SALL1: variants seen among roughly 807,000 people sequenced by gnomAD.
The protein encoded by SALL1 is spalt like transcription factor 1.
Under a neutral mutation model 73.1 loss-of-function variants are expected in SALL1, and 10 were observed. The observed-to-expected ratio is 0.14, with a 90% confidence interval of 0.08 to 0.23. The LOEUF (loss-of-function observed/expected upper bound fraction) is 0.23, where lower values mean the gene tolerates loss of function less well. Ranked by LOEUF, SALL1 falls within the 10% of genes least tolerant of loss-of-function variation. The pLI is 1.00. For missense variants in SALL1, 1,520 were observed against 1,697.3 expected, an observed-to-expected ratio of 0.90 and a Z score of 1.84; for synonymous variants, 688 against 689.8, an observed-to-expected ratio of 1.00 and a Z score of 0.04.
chr16:51,140,626 G>A lies in SALL1; in HGVS notation c.1596C>T (p.Ile532=), dbSNP rs1371790026. The change falls in exon 2 of 3, where the codon ATC becomes ATT. Residue 532 remains isoleucine, a synonymous_variant. Coordinates refer to ENST00000251020, the MANE Select transcript of SALL1 (RefSeq NM_002968.3). The surrounding 1 kb of genome is among the most constrained non-coding windows in gnomAD (Gnocchi z 5.7). Reference sequence around the variant, plus strand: ...AGCTGGTGACTGGCTTCTCTGGAGGGATGGACATGCCATATGGGATGCCAG... The same window carrying A: ...AGCTGGTGACTGGCTTCTCTGGAGGAATGGACATGCCATATGGGATGCCAG... ...TSTGIPYGMS[I]PPEKPVTSWL... is the part of the protein sequence containing the mutation. 7 of 1,614,064 alleles carry A rather than the reference G, an allele frequency of 4.3e-6. No homozygotes were observed. Among genetic ancestry groups the A allele is most frequent in the Admixed American group, 3.3e-5 (2 of 60,008 alleles).
intron 1 of SALL1, 176 bp downstream of exon 1, chr16:51,150,990 C>A (rs1386970083): frequency 2.3e-6 from 1 of 435,812 alleles, no homozygotes; most frequent in Non-Finnish European, 4.0e-6. Context: ...GAAAGCCCAG[C>A]AAAGGCACAT....
rs1417866910 is a variant in SALL1, at chr16:51,138,921, T to C, written c.3301A>G (p.Lys1101Glu). The change falls in exon 2 of 3, where the codon AAG becomes GAG. Residue 1101 changes from lysine (K) to glutamate (E), a missense_variant. Lys to Glu is a moderately conservative substitution (Grantham distance 56). Around this residue, in one of 7 missense-constraint regions of SALL1, gnomAD observed 318 missense variants for 357.1 expected, o/e 0.89. Coordinates refer to ENST00000251020, the MANE Select transcript of SALL1 (RefSeq NM_002968.3). ...GGGACGTGACTGGTGGGGGTGTCCTTACTGTCCTGAGGAGAAACATGCACG... is the reference window on the plus strand; with the variant it reads ...GGGACGTGACTGGTGGGGGTGTCCTCACTGTCCTGAGGAGAAACATGCACG... ...GFVHVSPQDS[K>E]DTPTSHVPSG... 5.6e-6 allele frequency: 9 copies of C among 1,614,160 alleles called. No homozygotes were observed. The highest frequency in any genetic ancestry group is 7.6e-6 in the Non-Finnish European group (9 of 1,180,030).
At chr16:51,151,883 G>T (rs1225674558), upstream of SALL1, among the ~76,000 whole-genome samples, 3 of 151,590 alleles carry the variant, frequency 2.0e-5, no homozygotes, top group Non-Finnish European at 3.0e-5. Context: ...TTCCCAACTC[G>T]GGGGCGAGGC....
At position 51,139,429 on chromosome 16, in the gene SALL1, C is replaced by G. The variant is rs147312225; in HGVS notation, c.2793G>C (p.Pro931=). 29 of 1,613,932 alleles carry G rather than the reference C, an allele frequency of 1.8e-5. No homozygotes were observed. The highest frequency in any genetic ancestry group is 2.5e-5 in the Non-Finnish European group (29 of 1,180,040). The part of the protein sequence containing the change: ...ESTSSMQALS[P]SNSTQEFHKS... ...TGTGGAACTCCTGCGTGCTGTTGGA[C>G]GGGGACAGAGCCTGCATGGAAGAGG... The change falls in exon 2 of 3, where the codon CCG becomes CCC. Residue 931 remains proline (P), a synonymous_variant. Transcript: ENST00000251020.
Position 51,140,382 on chromosome 16 carries a change from C to T in SALL1, c.1840G>A (p.Gly614Arg). The stretch of plus-strand genomic sequence containing the variant: ...CCACCAGAGGGTGGCAGAGTGGACC[C>T]TTCGGCTTCCTCTGGGAGCCCACCT... ...NLGGLPEEAEGSTLPPSGGKS... is the reference protein window; with the variant it reads ...NLGGLPEEAERSTLPPSGGKS... The change falls in exon 2 of 3, where the codon GGG (glycine) becomes AGG (arginine). Residue 614 changes from glycine (G) to arginine (R), a missense_variant. Physicochemically the swap from Gly to Arg is moderately radical, Grantham distance 125. Coordinates refer to ENST00000251020, the MANE Select transcript of SALL1 (RefSeq NM_002968.3). This position sits in a 1 kb window ranked among gnomAD's most constrained non-coding sequence, Gnocchi z 5.7. 1 of 1,614,148 alleles carries T rather than the reference C, an allele frequency of 6.2e-7. No individual in the cohort carries two copies. The highest frequency in any genetic ancestry group is 8.5e-7 in the Non-Finnish European group (1 of 1,180,014).
rs2143448259 is a variant in SALL1, at chr16:51,141,218, C to T, written c.1004G>A (p.Ser335Asn). ...SSGNTIIPSN[S>N]GSSPNMNILA... ...TATGTTCATATTGGGAGAAGAGCCGCTGTTGGATGGAATGATGGTGTTGCC... is the reference window on the plus strand; with the variant it reads ...TATGTTCATATTGGGAGAAGAGCCGTTGTTGGATGGAATGATGGTGTTGCC... The change falls in exon 2 of 3, where the codon AGC becomes AAC. Residue 335 changes from serine to asparagine, a missense_variant. Ser to Asn is a conservative substitution (Grantham distance 46). Around this residue, in one of 7 missense-constraint regions of SALL1, gnomAD observed 540 missense variants for 567.5 expected, o/e 0.95. Transcript: ENST00000251020. This position sits in a 1 kb window ranked among gnomAD's most constrained non-coding sequence, Gnocchi z 5.4. 6.2e-7 allele frequency: 1 copy of T among 1,614,146 alleles called. No individual in the cohort carries two copies. The highest frequency in any genetic ancestry group is 8.5e-7 in the Non-Finnish European group (1 of 1,180,034).
chr16:51,140,658 T>A lies in SALL1; in HGVS notation c.1564A>T (p.Thr522Ser). ...ATGCCATATGGGATGCCAGTACTCG[T>A]GGGGATATTGTCCAAATGCTCAGGC... ...PVPEHLDNIP[T>S]STGIPYGMSI... The change falls in exon 2 of 3, where the codon ACG becomes TCG. Residue 522 changes from threonine (T) to serine (S), a missense_variant. By Grantham distance (58) the Thr-to-Ser change is moderately conservative. This residue lies in a region of SALL1 where 276 missense variants were observed against 259.1 expected (regional missense o/e 1.07). Transcript: ENST00000251020. The surrounding 1 kb of genome is among the most constrained non-coding windows in gnomAD (Gnocchi z 5.7). 6.2e-7 allele frequency: 1 copy of A among 1,614,046 alleles called. No homozygotes were observed. Among genetic ancestry groups the A allele is most frequent in the South Asian group, 1.1e-5 (1 of 91,068 alleles).
At position 51,142,121 on chromosome 16, in the gene SALL1, C is replaced by T; in HGVS notation, c.101G>A (p.Ser34Asn). The T allele has an allele frequency of 6.2e-7, 1 of 1,613,406 alleles. No homozygotes were observed. Among genetic ancestry groups the T allele is most frequent in the Non-Finnish European group, 8.5e-7 (1 of 1,179,976 alleles). The change falls in exon 2 of 3, where the codon AGT (serine) becomes AAT (asparagine). Residue 34 changes from serine to asparagine, a missense_variant. By Grantham distance (46) the Ser-to-Asn change is conservative (BLOSUM62 1). Around this residue, in one of 7 missense-constraint regions of SALL1, gnomAD observed 540 missense variants for 567.5 expected, o/e 0.95. Transcript: ENST00000251020. Reference protein sequence around the residue: ...RDGDTEKGQPSRPTKSKDAHV... With the variant: ...RDGDTEKGQPNRPTKSKDAHV... ...GGCATCCTTGCTCTTAGTAGGGCGA[C>T]TCGGTTGACCCTTTTCTGTGTCTCC...
chr16:51,151,143 A>T, intron 1 of SALL1, 23 bp downstream of exon 1: 1 of 1,571,918 alleles, frequency 6.4e-7, no homozygotes, highest in Non-Finnish European at 8.6e-7. Context: ...GTGTGTGTCC[A>T]CGGCGCGGGC....
Position 51,136,426 on chromosome 16 carries a change from C to T in SALL1, c.*686G>A, listed in dbSNP as rs879608362. 5.2e-5 allele frequency: 8 copies of T among 152,548 alleles called. No homozygotes were observed. Among genetic ancestry groups the T allele is most frequent in the South Asian group, 2.1e-4 (1 of 4,830 alleles). The allele number at this position is 152,548 out of a possible 1,614,324, so 9.4% of individuals were successfully genotyped here. A position where few individuals can be genotyped will look rare whatever the true frequency, so the allele number is the denominator to read the frequency against. ...TTTTCTTTTTCTCTAAAGAATTCTG[C>T]GTGCTTATTACTGTACAGAAACTTA... On this transcript the variant is annotated 3_prime_UTR_variant, in exon 3 of 3. Coordinates refer to ENST00000251020, the MANE Select transcript of SALL1 (RefSeq NM_002968.3).
In SALL1 at chr16:51,137,520, G is replaced by A. The variant is rs758321045; in HGVS notation, c.3567C>T (p.Thr1189=). ...VHMGTHMWNS[T]PARRGRRLSV... is the part of the protein sequence containing the mutation. ...AGAGCCGCCGACCCCGTCGTGCAGG[G>A]GTGCTATTCCACATGTGAGTGCCCA... Residue 1189 remains threonine, a synonymous_variant, in exon 3 of 3, where the codon ACC becomes ACT. Transcript: ENST00000251020. The A allele has an allele frequency of 1.2e-6, 2 of 1,613,800 alleles. No homozygotes were observed. The highest frequency in any genetic ancestry group is 1.7e-6 in the Non-Finnish European group (2 of 1,179,996).
At chr16:51,150,591 T>C in intron 1 of SALL1, 1 of 985,848 alleles carries the variant, frequency 1.0e-6, no homozygotes, top group South Asian at 4.7e-5. Context: ...GCTCTGAACC[T>C]CCAAAGACAC....
chr16:51,147,162 A>G (rs768556937), intron 1 of SALL1, among the ~76,000 whole-genome samples: 8 of 152,250 alleles, frequency 5.3e-5, no homozygotes, highest in Non-Finnish European at 7.3e-5. Context: ...AGAAGAACCT[A>G]TACGTTGGCA....
rs200170000 is a variant in SALL1 at position 51,141,061 on chromosome 16, C to T, written c.1161G>A (p.Ala387=). The change falls in exon 2 of 3, where the codon GCG becomes GCA. Residue 387 remains alanine, a synonymous_variant. Transcript: ENST00000251020. The surrounding 1 kb of genome is among the most constrained non-coding windows in gnomAD (Gnocchi z 5.4). The stretch of plus-strand genomic sequence containing the variant: ...CTTGCTGAGGTAGAAGTGGATTAGA[C>T]GCAGGACTTAATAAACTGCTTATTG... ...AFAISSLLSP[A]SNPLLPQQAS... 1.8e-5 allele frequency: 29 copies of T among 1,614,196 alleles called. No individual in the cohort carries two copies. The highest frequency in any genetic ancestry group is 1.3e-4 in the East Asian group (6 of 44,882).
chr16:51,141,469 A>G lies in SALL1; in HGVS notation c.753T>C (p.Arg251=), dbSNP rs1239952975. 1 of 1,614,118 alleles carries G rather than the reference A, an allele frequency of 6.2e-7. No individual in the cohort carries two copies. The highest frequency in any genetic ancestry group is 8.5e-7 in the Non-Finnish European group (1 of 1,180,030). Reference sequence around the variant, plus strand: ...GAGAAGCCAACAGCAATATTTGGTGACGAATCTGTTCGATCAATTGCAGCT... The same window carrying G: ...GAGAAGCCAACAGCAATATTTGGTGGCGAATCTGTTCGATCAATTGCAGCT... ...IHQLQLIEQI[R]HQILLLASQN... is the part of the protein sequence containing the mutation. The change falls in exon 2 of 3, where the codon CGT becomes CGC. Residue 251 remains arginine, a synonymous_variant. Coordinates refer to ENST00000251020, the MANE Select transcript of SALL1 (RefSeq NM_002968.3). This position sits in a 1 kb window ranked among gnomAD's most constrained non-coding sequence, Gnocchi z 5.4.
rs1567316115 is a variant in SALL1 at position 51,141,177 on chromosome 16, T to A, written c.1045A>T (p.Thr349Ser). The A allele has an allele frequency of 3.7e-6, 6 of 1,614,196 alleles. No homozygotes were observed. The highest frequency in any genetic ancestry group is 5.1e-6 in the Non-Finnish European group (6 of 1,180,046). ...GCCACTTTTTCAGAGGACGGGGTGG[T>A]AACTGCCGCTGCCAATATGTTCATA... is the stretch of plus-strand genomic sequence containing the variant. ...PNMNILAAAV[T>S]TPSSEKVASS... The change falls in exon 2 of 3, where the codon ACC (threonine) becomes TCC (serine). Residue 349 changes from threonine to serine, a missense_variant. Coordinates refer to ENST00000251020, the MANE Select transcript of SALL1 (RefSeq NM_002968.3). This position sits in a 1 kb window ranked among gnomAD's most constrained non-coding sequence, Gnocchi z 5.4.
Position 51,139,347 on chromosome 16 carries a change from C to A in SALL1, c.2875G>T (p.Gly959Cys). 6 of 1,614,124 alleles carry A rather than the reference C, an allele frequency of 3.7e-6. No homozygotes were observed. Among genetic ancestry groups the A allele is most frequent in the Non-Finnish European group, 5.1e-6 (6 of 1,180,026 alleles). The change falls in exon 2 of 3, where the codon GGT becomes TGT. Residue 959 changes from glycine to cysteine, a missense_variant. Gly to Cys is a radical substitution (Grantham distance 159). Around this residue, in one of 7 missense-constraint regions of SALL1, gnomAD observed 266 missense variants for 275.1 expected, o/e 0.97. Coordinates refer to ENST00000251020, the MANE Select transcript of SALL1 (RefSeq NM_002968.3). ...QRAVPSEFAN[G>C]LSPTPVNGGA... ...CCATTCACTGGGGTGGGAGACAAACCATTGGCAAACTCGCTTGGGACCGCT... is the reference window on the plus strand; with the variant it reads ...CCATTCACTGGGGTGGGAGACAAACAATTGGCAAACTCGCTTGGGACCGCT...
rs2143445937 is a variant in SALL1, at chr16:51,140,771, T to C, written c.1451A>G (p.Asn484Ser). 1 of 1,614,216 alleles carries C rather than the reference T, an allele frequency of 6.2e-7. No homozygotes were observed. The highest frequency in any genetic ancestry group is 8.5e-7 in the Non-Finnish European group (1 of 1,180,024). ...CAGATTCCCCTTGGTGGAGAACCTG[T>C]TCCCGCAGATGTTGCACTTGAATGG... ...ERPFKCNICG[N>S]RFSTKGNLKV... The change falls in exon 2 of 3, where the codon AAC becomes AGC. Residue 484 changes from asparagine (N) to serine (S), a missense_variant. Coordinates refer to ENST00000251020, the MANE Select transcript of SALL1 (RefSeq NM_002968.3). This position sits in a 1 kb window ranked among gnomAD's most constrained non-coding sequence, Gnocchi z 5.7.
At chr16:51,142,523 TTC>T (rs1300394143) in intron 1 of SALL1, among the ~76,000 whole-genome samples, 9 of 152,202 alleles carry the variant, frequency 5.9e-5, no homozygotes, top group Non-Finnish European at 1.3e-4. Flanking sequence ...GCTCTTGAGT[TTC>T]TGTCAACCTT....
Sources: allele counts gnomAD v4.1 joint callset (sites outside exome capture counted in the v4.1 genomes callset), GRCh38; gene constraint gnomAD v4.1.1; regional missense constraint gnomAD v4.1.1; non-coding constraint Gnocchi (gnomAD v3.1); transcripts MANE v1.5; gene names NCBI Gene and HGNC (gene_info 2026-07-23, HGNC 2026-07-21).